ASB9: variants seen among roughly 807,000 people sequenced by gnomAD.
ASB9 encodes ankyrin repeat and SOCS box containing 9, also known as ankyrin repeat and SOCS box protein 9.
Under a neutral mutation model 16.6 loss-of-function variants are expected in ASB9, and 5 were observed. The observed-to-expected ratio is 0.30, with a 90% CI of 0.16 to 0.63. ASB9 has a LOEUF of 0.63. Among genes scored for constraint, ASB9 ranks in the 30% least tolerant of loss-of-function variants. The pLI, the probability that ASB9 is intolerant of heterozygous loss-of-function variation, is 0.82. For missense variants in ASB9, 216 were observed against 229.4 expected (o/e 0.94, Z 0.38); for synonymous variants, 100 against 86.4 (o/e 1.16, Z -0.87).
intron 4 of ASB9, 67 bp downstream of exon 4, chrX:15,252,187 T>A (rs866903402): frequency 9.3e-6 from 10 of 1,071,393 alleles, no homozygotes; most frequent in Non-Finnish European, 1.2e-5. Flanking sequence ...TCCTTTTCTT[T>A]CTTTCTTTCA....
chrX:15,267,650 G>C (rs1373617216), intron 1 of ASB9, among the ~76,000 whole-genome samples: 2 of 99,279 alleles, frequency 2.0e-5, no homozygotes, highest in East Asian at 6.4e-4. Flanking sequence ...GGCTGAGGCA[G>C]GAAAGTCGCT....
chrX:15,250,207 A>ATCATCATCCTCC (rs1555929414), intron 5 of ASB9, among the ~76,000 whole-genome samples: 2 of 108,605 alleles, frequency 1.8e-5, no homozygotes, highest in Admixed American at 2.0e-4. Flanking sequence ...CATCATCATC[A>ATCATCATCCTCC]TCCTCCTCCT....
In ASB9 at chrX:15,248,698, C is replaced by T. The variant is rs1247267118; in HGVS notation, c.760+46G>A. 2.6e-6 allele frequency: 3 copies of T among 1,159,098 alleles called. No individual in the cohort carries two copies. Among genetic ancestry groups the T allele is most frequent in the Non-Finnish European group, 3.5e-6 (3 of 868,601 alleles). Reference sequence around the variant, plus strand: ...AAATACCTGCCTTCTACTAGAGCCCCAAGGGATGTCAACAGATTAGGGCTT... The same window carrying T: ...AAATACCTGCCTTCTACTAGAGCCCTAAGGGATGTCAACAGATTAGGGCTT... On this transcript the variant is annotated intron_variant, in intron 6 of 6. Transcript: ENST00000380488.
upstream of ASB9, chrX:15,270,413 G>A (rs1926886264): frequency 8.9e-6 from 1 of 112,562 alleles, no homozygotes; most frequent in Admixed American, 9.5e-5. Flanking sequence ...TTTTGCAGCA[G>A]CCCTGCTGAA....
chrX:15,255,122 TC>T (rs1398591210), intron 2 of ASB9, among the ~76,000 whole-genome samples: 1 of 111,545 alleles, frequency 9.0e-6, no homozygotes, highest in Non-Finnish European at 1.9e-5. Context: ...TATATATACA[TC>T]TAGATAAATA....
At position 15,248,173 on chromosome X, in the gene ASB9, A is replaced by T. The variant is rs184143737; in HGVS notation, c.760+571T>A. On this transcript the variant is annotated intron_variant, in intron 6 of 6. Coordinates refer to ENST00000380488, the MANE Select transcript of ASB9 (RefSeq NM_001031739.3). ...GCCCAGGCCTCAAAGCCCTACTTCC[A>T]TACACACTGCTCAACCACAATATTT... Among the ~76,000 whole-genome samples the T allele has an allele frequency of 6.2e-3, 665 of 106,656 alleles. 1 individual carries two copies. Among genetic ancestry groups the T allele is most frequent in the Non-Finnish European group, 0.01 (540 of 51,543 alleles). 92.6% of individuals were successfully genotyped at this position (106,656 alleles called of 115,157 possible). A position where few individuals can be genotyped will look rare whatever the true frequency, so the allele number is the denominator to read the frequency against.
intron 1 of ASB9, among the ~76,000 whole-genome samples, chrX:15,268,038 A>G (rs975000075): frequency 1.8e-5 from 2 of 109,606 alleles, no homozygotes; most frequent in African/African-American, 6.7e-5. Context: ...AGATTAATAA[A>G]CCCTGACTGA....
intron 2 of ASB9, among the ~76,000 whole-genome samples, chrX:15,257,659 T>A (rs1375821555): frequency 9.0e-6 from 1 of 111,643 alleles, no homozygotes; most frequent in Non-Finnish European, 1.9e-5. Flanking sequence ...TCATATAAAA[T>A]CATAAGGTAA....
intron 1 of ASB9, among the ~76,000 whole-genome samples, chrX:15,267,758 A>C (rs1265470321): frequency 1.5e-4 from 14 of 93,543 alleles, no homozygotes; most frequent in Admixed American, 1.3e-3. Context: ...AAAACAAAAA[A>C]AAAAAAAAAA....
At chrX:15,259,964 C>T (rs1925846436) in intron 1 of ASB9, among the ~76,000 whole-genome samples, 1 of 112,049 alleles carries the variant, frequency 8.9e-6, no homozygotes, top group Non-Finnish European at 1.9e-5. Context: ...AAACTGGAAA[C>T]ACTTCTGGTC....
chrX:15,251,850 G>A (rs1189058907), intron 4 of ASB9, among the ~76,000 whole-genome samples: 1 of 112,592 alleles, frequency 8.9e-6, no homozygotes, highest in Non-Finnish European at 1.9e-5. Flanking sequence ...TTTGTTTTAT[G>A]AAATAACTTG....
At chrX:15,253,209 G>C (rs1340469452) in intron 3 of ASB9, among the ~76,000 whole-genome samples, 1 of 110,847 alleles carries the variant, frequency 9.0e-6, no homozygotes, top group Non-Finnish European at 1.9e-5. Context: ...ACTCCAGCCT[G>C]GGCGACAGAG....
intron 1 of ASB9, among the ~76,000 whole-genome samples, chrX:15,261,348 T>C (rs1463903341): frequency 8.9e-6 from 1 of 112,024 alleles, no homozygotes; most frequent in African/African-American, 3.2e-5. Flanking sequence ...GATCACCATA[T>C]GTATGATGAT....
intron 6 of ASB9, among the ~76,000 whole-genome samples, chrX:15,248,404 G>A (rs766637686): frequency 8.9e-6 from 1 of 111,925 alleles, no homozygotes; most frequent in African/African-American, 3.2e-5. Flanking sequence ...ACCCCAAAGA[G>A]GACTCTGCTG....
chrX:15,250,235 TC>T (rs2147631831), intron 5 of ASB9, among the ~76,000 whole-genome samples, 194 bp downstream of exon 5: 1 of 110,984 alleles, frequency 9.0e-6, no homozygotes, highest in East Asian at 2.8e-4. Context: ...CTCCTCCTCA[TC>T]CTTGTTACAA....
chrX:15,244,357 T>G lies in ASB9; in HGVS notation c.*149A>C. ...ATACAAATTGAATAGAAAAAATTAG[T>G]CAAACTCCATAAACAAGTTTATAAC... On this transcript the variant is annotated 3_prime_UTR_variant, in exon 7 of 7. Coordinates refer to ENST00000380488, the MANE Select transcript of ASB9 (RefSeq NM_001031739.3). 1.4e-6 allele frequency: 1 copy of G among 691,339 alleles called. No individual in the cohort carries two copies. The allele number at this position is 691,339 out of a possible 1,213,427, so 57.0% of individuals were successfully genotyped here. A position where few individuals can be genotyped will look rare whatever the true frequency, so the allele number is the denominator to read the frequency against.
intron 5 of ASB9, 57 bp from the exon 6 acceptor site, chrX:15,248,992 G>A (rs1602137778): frequency 9.6e-7 from 1 of 1,046,555 alleles, no homozygotes; most frequent in East Asian, 3.5e-5. Flanking sequence ...AACCATCGGG[G>A]CTTTTCAAAG....
intron 5 of ASB9, among the ~76,000 whole-genome samples, chrX:15,249,936 G>C (rs61326142): frequency 3.6e-5 from 4 of 111,501 alleles, no homozygotes; most frequent in Non-Finnish European, 5.6e-5. Context: ...TGTTGAGAAG[G>C]GGGCTGGACA....
At chrX:15,247,945 T>A (rs1364274892) in intron 6 of ASB9, among the ~76,000 whole-genome samples, 1 of 112,417 alleles carries the variant, frequency 8.9e-6, no homozygotes, top group Non-Finnish European at 1.9e-5. Flanking sequence ...CTGCTCATCA[T>A]GTGGGGAGAA....
Sources: allele counts gnomAD v4.1 joint callset (sites outside exome capture counted in the v4.1 genomes callset), GRCh38; gene constraint gnomAD v4.1.1; transcripts MANE v1.5; gene names NCBI Gene and HGNC (gene_info 2026-07-23, HGNC 2026-07-21).